The following ROBO1 variants were observed in gnomAD, a reference collection of about 807,000 sequenced individuals.
ROBO1 encodes the protein roundabout homolog 1.
In ROBO1, 149 loss-of-function variants were observed where a neutral mutation model predicts 195.9. The ratio of observed to expected loss-of-function variants is 0.76; its 90% confidence interval spans 0.67 to 0.87. The LOEUF is 0.87. ROBO1 is among the 40% of genes least tolerant of loss of function. The pLI is 0.00. For missense variants in ROBO1, 1,933 were observed against 2,068.3 expected, an observed-to-expected ratio of 0.93 and a Z score of 1.27; for synonymous variants, 816 against 733.2, an observed-to-expected ratio of 1.11 and a Z score of -1.82.
In ROBO1 at chr3:79,767,789, G is replaced by C. The variant is rs754745591; in HGVS notation, c.-88C>G. 24 of 152,144 alleles carry C rather than the reference G, an allele frequency of 1.6e-4. No individual in the cohort carries two copies. Among genetic ancestry groups the C allele is most frequent in the Admixed American group, 3.3e-4 (5 of 15,274 alleles). The allele number at this position is 152,144 out of a possible 1,614,324, so 9.4% of individuals were successfully genotyped here. A position where few individuals can be genotyped will look rare whatever the true frequency, so the allele number is the denominator to read the frequency against. ...CTGTTTTCAGCAATCTAGAGGCTCC[G>C]TAGTGCAGACGCAGCCCTGCAACTT... On this transcript the variant is annotated 5_prime_UTR_variant, in exon 1 of 31. Coordinates refer to ENST00000464233, the MANE Select transcript of ROBO1 (RefSeq NM_002941.4).
At chr3:79,595,149 A>G (rs1220526102) in intron 1 of ROBO1, among the ~76,000 whole-genome samples, 1 of 151,862 alleles carries the variant, frequency 6.6e-6, no homozygotes, top group Admixed American at 6.6e-5. Context: ...ATGTGTTGAT[A>G]ATGTTTATTT....
intron 2 of ROBO1, among the ~76,000 whole-genome samples, chr3:79,256,963 T>C (rs901692772): frequency 1.3e-5 from 2 of 152,168 alleles, no homozygotes; most frequent in African/African-American, 4.8e-5. Context: ...TATTCAATAG[T>C]TTTGGTTAAA....
At chr3:78,683,633 A>G (rs2080983171) in intron 10 of ROBO1, among the ~76,000 whole-genome samples, 1 of 152,076 alleles carries the variant, frequency 6.6e-6, no homozygotes, top group Admixed American at 6.5e-5. Context: ...CCACAAATCT[A>G]TGTTTATTGG....
At chr3:78,857,830 T>C (rs2106943505) in intron 4 of ROBO1, among the ~76,000 whole-genome samples, 1 of 152,314 alleles carries the variant, frequency 6.6e-6, no homozygotes, top group African/African-American at 2.4e-5. Context: ...CGTTAACTCA[T>C]AAGGCCTTTG....
At position 78,717,295 on chromosome 3, in the gene ROBO1, A is replaced by C; in HGVS notation, c.897T>G (p.Asp299Glu). The change falls in exon 7 of 31, where the codon GAT becomes GAG. Residue 299 changes from aspartate to glutamate, a missense_variant. Transcript: ENST00000464233. ...TGTACCTGGATTTGGGCAGCTCTCC[A>C]TCATCTTTCCTCCATCGTACTGTAG... The part of the protein sequence containing the change: ...PVPTVRWRKD[D>E]GELPKSRYEI... 1 of 1,582,678 alleles carries C rather than the reference A, an allele frequency of 6.3e-7. No individual in the cohort carries two copies. Among genetic ancestry groups the C allele is most frequent in the African/African-American group, 1.4e-5 (1 of 73,180 alleles).
At chr3:79,077,152 T>C (rs1216337769) in intron 3 of ROBO1, among the ~76,000 whole-genome samples, 2 of 151,920 alleles carry the variant, frequency 1.3e-5, no homozygotes, top group Admixed American at 1.3e-4. Flanking sequence ...GTTCATCTTA[T>C]AACGGAACGT....
chr3:78,930,631 T>C (rs1013729155), intron 4 of ROBO1, among the ~76,000 whole-genome samples: 1 of 152,220 alleles, frequency 6.6e-6, no homozygotes, highest in Admixed American at 6.5e-5. Context: ...TTGTCATCAA[T>C]TGCATCTCCT....
intron 3 of ROBO1, among the ~76,000 whole-genome samples, chr3:78,998,637 T>C (rs1236784307): frequency 6.6e-6 from 1 of 152,116 alleles, no homozygotes; most frequent in Non-Finnish European, 1.5e-5. Flanking sequence ...TCCTGATTGA[T>C]AGTCACCTGA....
chr3:79,738,194 C>A (rs1020103122), intron 1 of ROBO1, among the ~76,000 whole-genome samples: 3 of 152,134 alleles, frequency 2.0e-5, no homozygotes, highest in Non-Finnish European at 4.4e-5. Flanking sequence ...TACTCTTTCA[C>A]AGTCCCAGCA....
At chr3:78,813,853 T>C (rs1250166996) in intron 4 of ROBO1, among the ~76,000 whole-genome samples, 1 of 152,074 alleles carries the variant, frequency 6.6e-6, no homozygotes. Context: ...ACTAATATGT[T>C]GTTAAGGCTT....
intron 21 of ROBO1, among the ~76,000 whole-genome samples, chr3:78,640,530 G>A (rs1705874854): frequency 6.6e-6 from 1 of 152,108 alleles, no homozygotes; most frequent in Non-Finnish European, 1.5e-5. Context: ...CATAAGCAAA[G>A]GAAAGCTGAT....
chr3:79,075,403 G>A (rs538757507), intron 3 of ROBO1, among the ~76,000 whole-genome samples: 84 of 152,070 alleles, frequency 5.5e-4, no homozygotes, highest in Non-Finnish European at 9.7e-4. Flanking sequence ...GTATTTCAGG[G>A]ACGGCTTGGA....
chr3:78,807,226 C>G (rs1177994248), intron 4 of ROBO1, among the ~76,000 whole-genome samples: 1 of 152,116 alleles, frequency 6.6e-6, no homozygotes, highest in Admixed American at 6.6e-5. Flanking sequence ...TGCAAAAGAA[C>G]AGAAGGAAAT....
chr3:79,304,411 G>A (rs1300001966), intron 2 of ROBO1, among the ~76,000 whole-genome samples: 2 of 152,162 alleles, frequency 1.3e-5, no homozygotes, highest in South Asian at 2.1e-4. Flanking sequence ...TTTAAAGTGT[G>A]TAATTTGATA....
At chr3:78,860,150 GA>G (rs1559933969) in intron 4 of ROBO1, among the ~76,000 whole-genome samples, 51 of 144,166 alleles carry the variant, frequency 3.5e-4, no homozygotes, top group African/African-American at 1.2e-3. Context: ...TAGATAGATA[GA>G]TAGATAGATA....
intron 2 of ROBO1, among the ~76,000 whole-genome samples, chr3:79,513,257 C>T (rs1045230472): frequency 6.6e-6 from 1 of 152,038 alleles, no homozygotes; most frequent in South Asian, 2.1e-4. Flanking sequence ...GTAATATATT[C>T]TATCATAGAA....
At position 78,738,599 on chromosome 3, in the gene ROBO1, T is replaced by C. The variant is rs538532030; in HGVS notation, c.657+8144A>G. Among the ~76,000 whole-genome samples, 266 of 152,246 alleles carry C rather than the reference T, an allele frequency of 1.7e-3. 2 individuals carry two copies. The highest frequency in any genetic ancestry group is 6.2e-3 in the African/African-American group (257 of 41,554). On this transcript the variant is annotated intron_variant, in intron 5 of 30. Transcript: ENST00000464233. ...TACACAAAACAATTCGTTTAAACCA[T>C]CTAGGATTACAGTGACCAACTGTCC...
At chr3:78,885,670 T>C (rs2036516252) in intron 4 of ROBO1, among the ~76,000 whole-genome samples, 1 of 150,932 alleles carries the variant, frequency 6.6e-6, no homozygotes, top group African/African-American at 2.4e-5. Flanking sequence ...ATGAGGTAGA[T>C]ACTATTATTA....
intron 2 of ROBO1, among the ~76,000 whole-genome samples, chr3:79,189,246 T>C (rs2081495923): frequency 6.6e-6 from 1 of 151,870 alleles, no homozygotes; most frequent in African/African-American, 2.4e-5. Context: ...TAAGGCCACT[T>C]AATAGATATC....
Sources: gnomAD v4.1 joint callset for allele counts (sites outside exome capture counted in the v4.1 genomes callset) on GRCh38, gnomAD v4.1.1 for gene constraint, MANE v1.5 for transcripts, NCBI Gene and HGNC (gene_info 2026-07-23, HGNC 2026-07-21) for gene names.